Variants in ARAP2 observed in about 807,000 individuals in gnomAD.
The protein encoded by ARAP2 is ArfGAP with RhoGAP domain, ankyrin repeat and PH domain 2.
ARAP2 carries 148 observed loss-of-function variants against 194.5 expected under a neutral mutation model. The observed-to-expected ratio is 0.76, with a 90% confidence interval of 0.67 to 0.87. The LOEUF is 0.87. Among genes scored for constraint, ARAP2 ranks in the 40% least tolerant of loss-of-function variants. The probability of loss-of-function intolerance (pLI) is 0.00; values close to 1 mark genes in which losing one functional copy is unlikely to be tolerated. For synonymous variants in ARAP2, 695 were observed against 683.5 expected, an observed-to-expected ratio of 1.02 and a Z score of -0.26; for missense variants, 2,128 against 1,989.7, an observed-to-expected ratio of 1.07 and a Z score of -1.32.
intron 5 of ARAP2, among the ~76,000 whole-genome samples, chr4:36,043,018 T>C (rs1417941864): frequency 6.6e-6 from 1 of 152,112 alleles, no homozygotes; most frequent in Non-Finnish European, 1.5e-5. Flanking sequence ...AATTTTTGTA[T>C]TTTTAGTAGA....
chr4:36,010,615 G>T (rs916437628), intron 9 of ARAP2, among the ~76,000 whole-genome samples: 2 of 152,052 alleles, frequency 1.3e-5, no homozygotes. Context: ...CCATCCTGCT[G>T]CTCCCTCATC....
intron 1 of ARAP2, among the ~76,000 whole-genome samples, chr4:36,236,178 C>CAA (rs35020862): frequency 8.1e-4 from 96 of 119,104 alleles, no homozygotes; most frequent in Middle Eastern, 4.1e-3. Context: ...GACCCTGTCT[C>CAA]AAAAAAAAAA....
At position 36,031,578 on chromosome 4, in the gene ARAP2, G is replaced by T. The variant is rs972562919; in HGVS notation, n.608-12292C>A. 2.6e-5 allele frequency among the ~76,000 whole-genome samples: 4 copies of T among 152,030 alleles called. No individual in the cohort carries two copies. The South Asian group carries it at 6.2e-4, about 24-fold the overall frequency. On this transcript the variant is annotated intron_variant and non_coding_transcript_variant, in intron 5 of 12. Transcript: ENST00000503225. Reference sequence around the variant, plus strand: ...TGCCTCTTAACCAGAAAGCTAAATTGGATCTCATATGTGGTAAATAGAAAG... The same window carrying T: ...TGCCTCTTAACCAGAAAGCTAAATTTGATCTCATATGTGGTAAATAGAAAG...
intron 3 of ARAP2, among the ~76,000 whole-genome samples, chr4:36,048,928 G>A (rs1560319898): frequency 6.6e-6 from 1 of 151,990 alleles, no homozygotes; most frequent in Non-Finnish European, 1.5e-5. Flanking sequence ...GGTGTAAGAT[G>A]GTATCTTGTT....
intron 8 of ARAP2, among the ~76,000 whole-genome samples, chr4:36,180,847 A>G (rs1739079043): frequency 6.6e-6 from 1 of 152,254 alleles, no homozygotes; most frequent in African/African-American, 2.4e-5. Flanking sequence ...GTCACGAAGA[A>G]GAACAGGAAT....
At position 36,227,011 on chromosome 4, in the gene ARAP2, G is replaced by A. The variant is rs114035542; in HGVS notation, c.905+1571C>T. Among the ~76,000 whole-genome samples, 497 of 152,292 alleles carry A rather than the reference G, an allele frequency of 3.3e-3. 3 individuals are homozygous for A. Among genetic ancestry groups the A allele is most frequent in the African/African-American group, 0.011 (468 of 41,562 alleles). On this transcript the variant is annotated intron_variant, in intron 2 of 32. Coordinates refer to ENST00000303965, the MANE Select transcript of ARAP2 (RefSeq NM_015230.4). The stretch of plus-strand genomic sequence containing the variant: ...TAGCAAAATATTTTAAAGCTAAAGT[G>A]TCAAACAAAATGAGTGTCCTTTACA...
chr4:36,073,782 T>C lies in ARAP2; in HGVS notation c.4650A>G (p.Lys1550=), dbSNP rs202109900. The C allele has an allele frequency of 1.9e-6, 3 of 1,613,210 alleles. No homozygotes were observed. The highest frequency in any genetic ancestry group is 2.7e-5 in the African/African-American group (2 of 74,990). ...TTTTGGGATTTTTGGTTATTGAACG[T>C]TTTCGTTCCTTTCCAGCTGGTGGCC... The part of the protein sequence containing the change: ...DIWPPAGKER[K]RSITKNPKIG... The change falls in exon 32 of 33, where the codon AAA becomes AAG. Residue 1550 remains lysine, a synonymous_variant. Coordinates refer to ENST00000303965, the MANE Select transcript of ARAP2 (RefSeq NM_015230.4).
intron 5 of ARAP2, among the ~76,000 whole-genome samples, chr4:36,211,800 G>A (rs1366725649): frequency 6.6e-6 from 1 of 152,010 alleles, no homozygotes. Flanking sequence ...AATATGTTAT[G>A]TACCCCAGAA....
intron 31 of ARAP2, 150 bp from the exon 32 acceptor site, chr4:36,073,973 TGG>T: frequency 2.0e-6 from 2 of 992,142 alleles, no homozygotes; most frequent in Non-Finnish European, 3.0e-6. Flanking sequence ...TTGACTCTGG[TGG>T]CAGCATCGCT....
At chr4:36,065,418 G>C, downstream of ARAP2, 1 of 499,782 alleles carries the variant, frequency 2.0e-6, no homozygotes, top group South Asian at 1.5e-5. Flanking sequence ...AGGGAAAAGA[G>C]CTCTGCATGC....
intron 28 of ARAP2, 52 bp from the exon 29 acceptor site, chr4:36,083,502 C>A: frequency 7.8e-7 from 1 of 1,287,684 alleles, no homozygotes; most frequent in Non-Finnish European, 1.1e-6. Flanking sequence ...CATTTCCTTA[C>A]ATTTTCTTTG....
chr4:36,119,629 G>A (rs1722209680), intron 24 of ARAP2, 21 bp downstream of exon 24: 6 of 1,524,338 alleles, frequency 3.9e-6, no homozygotes, highest in Non-Finnish European at 5.4e-6. Context: ...ATTATTTAGA[G>A]ATCTAACTAT....
chr4:36,226,911 C>A (rs1164912686), intron 2 of ARAP2, among the ~76,000 whole-genome samples: 2 of 152,306 alleles, frequency 1.3e-5, no homozygotes, highest in East Asian at 1.9e-4. Context: ...ATAGTAAACC[C>A]TTCTGGCATG....
At chr4:36,105,673 G>C (rs148847548) in intron 27 of ARAP2, among the ~76,000 whole-genome samples, 1 of 151,882 alleles carries the variant, frequency 6.6e-6, no homozygotes, top group African/African-American at 2.4e-5. Flanking sequence ...CTAAACCAGC[G>C]CAATCTACAC....
intron 11 of ARAP2, among the ~76,000 whole-genome samples, chr4:36,162,977 T>C (rs944848938): frequency 6.6e-6 from 1 of 152,192 alleles, no homozygotes; most frequent in Non-Finnish European, 1.5e-5. Context: ...TATGAAAATG[T>C]GCAGTTTTAT....
rs376992328 is a variant in ARAP2 at position 36,149,238 on chromosome 4, ACAAT to A, written c.2898-735_2898-732del. The stretch of plus-strand genomic sequence containing the variant: ...CTTCATGTCCTAATTTAGAAGCATC[ACAAT>A]CAATCTCATCACAACAAGCTCAAAA... On this transcript the variant is annotated intron_variant, in intron 16 of 32. Transcript: ENST00000303965. 5.3e-3 allele frequency among the ~76,000 whole-genome samples: 801 copies of A among 152,264 alleles called. 9 individuals carry two copies. The highest frequency in any genetic ancestry group is 0.018 in the African/African-American group (758 of 41,550).
chr4:36,046,161 A>C (rs1721801126), intron 4 of ARAP2: 1 of 152,408 alleles, frequency 6.6e-6, no homozygotes, highest in Non-Finnish European at 1.5e-5. Context: ...GCCTATAGGT[A>C]AGTGAGCTCC....
At chr4:36,058,418 C>T (rs1470833940) in intron 1 of ARAP2, among the ~76,000 whole-genome samples, 1 of 152,160 alleles carries the variant, frequency 6.6e-6, no homozygotes, top group Non-Finnish European at 1.5e-5. Flanking sequence ...AAAATCATCT[C>T]AACCTGAGCA....
intron 5 of ARAP2, among the ~76,000 whole-genome samples, chr4:36,038,838 G>C (rs182818268): frequency 1.4e-4 from 21 of 152,222 alleles, no homozygotes; most frequent in Non-Finnish European, 2.8e-4. Flanking sequence ...AACAGTGACT[G>C]AATTGTTCAT....
Sources: gnomAD v4.1 joint callset for allele counts (sites outside exome capture counted in the v4.1 genomes callset) on GRCh38, gnomAD v4.1.1 for gene constraint, MANE v1.5 for transcripts, NCBI Gene and HGNC (gene_info 2026-07-23, HGNC 2026-07-21) for gene names.